The following ITFG1 variants were observed in gnomAD, a reference collection of about 807,000 sequenced individuals.
ITFG1 encodes integrin alpha FG-GAP repeat containing 1.
In ITFG1, 34 loss-of-function variants were observed where a neutral mutation model predicts 81.8. The observed-to-expected ratio is 0.42, with a 90% confidence interval of 0.32 to 0.55. The LOEUF is 0.55. ITFG1 is among the 20% of genes least tolerant of loss of function. The pLI is 0.17. For missense variants in ITFG1, 672 were observed against 755.4 expected (o/e 0.89, Z 1.29); for synonymous variants, 285 against 270.6 (o/e 1.05, Z -0.52).
intron 6 of ITFG1, among the ~76,000 whole-genome samples, chr16:47,413,795 A>C (rs1384617075): frequency 6.6e-6 from 1 of 152,200 alleles, no homozygotes; most frequent in Non-Finnish European, 1.5e-5. Flanking sequence ...CGTAAGGTGC[A>C]GGGACTGTCT....
At chr16:47,421,300 A>G (rs978457797) in intron 6 of ITFG1, among the ~76,000 whole-genome samples, 4 of 147,442 alleles carry the variant, frequency 2.7e-5, no homozygotes, top group Admixed American at 2.7e-4. Context: ...ACACACACAC[A>G]CACACATACA....
intron 2 of ITFG1, among the ~76,000 whole-genome samples, chr16:47,458,548 T>G (rs1969481721): frequency 6.6e-6 from 1 of 152,036 alleles, no homozygotes; most frequent in African/African-American, 2.4e-5. Context: ...ATCATGGAGG[T>G]AGAGGTGTGG....
rs55978309 is a variant in ITFG1, at chr16:47,403,761, T to TACACACACAC, written c.655+25033_655+25042dup. 5.2e-3 allele frequency among the ~76,000 whole-genome samples: 690 copies of TACACACACAC among 133,220 alleles called. 6 individuals are homozygous for TACACACACAC. The highest frequency in any genetic ancestry group is 7.0e-3 in the Non-Finnish European group (438 of 62,500). The allele number at this position is 133,220 out of a possible 152,430, so 87.4% of individuals were successfully genotyped here. ...AAAAGTTGATTTTGATCTCTCTTGG[T>TACACACACAC]ACACACACACACACACACACACACA... On this transcript the variant is annotated intron_variant, in intron 6 of 17. Coordinates refer to ENST00000320640, the MANE Select transcript of ITFG1 (RefSeq NM_030790.5).
intron 13 of ITFG1, among the ~76,000 whole-genome samples, chr16:47,236,050 T>A (rs1965870173): frequency 6.6e-6 from 1 of 152,338 alleles, no homozygotes; most frequent in East Asian, 1.9e-4. Context: ...GCGGTAATGG[T>A]AATCATTATA....
intron 6 of ITFG1, among the ~76,000 whole-genome samples, chr16:47,409,294 T>C (rs1207556091): frequency 2.3e-5 from 3 of 130,948 alleles, no homozygotes; most frequent in Non-Finnish European, 4.7e-5. Context: ...TATCTAAAGA[T>C]ATAACCGAAA....
At chr16:47,233,946 A>G (rs1965844151) in intron 13 of ITFG1, among the ~76,000 whole-genome samples, 1 of 152,204 alleles carries the variant, frequency 6.6e-6, no homozygotes, top group Non-Finnish European at 1.5e-5. Context: ...AAACAAGGAC[A>G]CTAGAGGAAA....
At chr16:47,351,475 A>T (rs1967953860) in intron 8 of ITFG1, among the ~76,000 whole-genome samples, 1 of 152,194 alleles carries the variant, frequency 6.6e-6, no homozygotes, top group African/African-American at 2.4e-5. Context: ...CTTCAAAGAG[A>T]ATAAAATACC....
At chr16:47,456,840 T>C (rs1969460335) in intron 2 of ITFG1, among the ~76,000 whole-genome samples, 1 of 151,940 alleles carries the variant, frequency 6.6e-6, no homozygotes, top group South Asian at 2.1e-4. Context: ...ATTCCCCACA[T>C]AGTAAGTCTA....
Position 47,396,663 on chromosome 16 carries a change from T to C in ITFG1, c.656-20723A>G, listed in dbSNP as rs189048921. Among the ~76,000 whole-genome samples, 101 of 152,088 alleles carry C rather than the reference T, an allele frequency of 6.6e-4. 1 individual carries two copies. The highest frequency in any genetic ancestry group is 2.1e-3 in the African/African-American group (89 of 41,488). On this transcript the variant is annotated intron_variant, in intron 6 of 17. Transcript: ENST00000320640. ...AGAGAGGGTTAGTAATAATTTACCA[T>C]GGATAGGAGGGAAATGGAGGCTGGA...
chr16:47,435,191 A>G (rs935722424), intron 5 of ITFG1, among the ~76,000 whole-genome samples: 3 of 152,220 alleles, frequency 2.0e-5, no homozygotes, highest in Non-Finnish European at 2.9e-5. Context: ...CTTAAAAGCT[A>G]AAGAAAAAAA....
At chr16:47,275,208 T>C (rs889810783) in intron 10 of ITFG1, among the ~76,000 whole-genome samples, 1 of 152,088 alleles carries the variant, frequency 6.6e-6, no homozygotes, top group Non-Finnish European at 1.5e-5. Flanking sequence ...TTAGCTGACA[T>C]TGAATGTCTA....
chr16:47,172,403 G>A (rs1023092753), intron 14 of ITFG1, among the ~76,000 whole-genome samples: 2 of 152,138 alleles, frequency 1.3e-5, no homozygotes, highest in African/African-American at 2.4e-5. Flanking sequence ...CAGGAAAATC[G>A]CTTGAACCTG....
intron 10 of ITFG1, among the ~76,000 whole-genome samples, chr16:47,274,437 G>C (rs1966376874): frequency 6.6e-6 from 1 of 152,112 alleles, no homozygotes; most frequent in Non-Finnish European, 1.5e-5. Flanking sequence ...TAAATCCTTT[G>C]CTAAGCAGAG....
At chr16:47,282,029 T>C (rs936572923) in intron 10 of ITFG1, among the ~76,000 whole-genome samples, 2 of 151,948 alleles carry the variant, frequency 1.3e-5, no homozygotes, top group Non-Finnish European at 2.9e-5. Context: ...ATATATACTA[T>C]TTGTATACAT....
At chr16:47,182,339 T>C (rs978572570) in intron 14 of ITFG1, among the ~76,000 whole-genome samples, 2 of 151,130 alleles carry the variant, frequency 1.3e-5, no homozygotes, top group Non-Finnish European at 2.9e-5. Flanking sequence ...TAGTAGACGA[T>C]GGGAATCAAA....
chr16:47,169,224 G>GT (rs1391141384), intron 14 of ITFG1, among the ~76,000 whole-genome samples: 1 of 152,032 alleles, frequency 6.6e-6, no homozygotes, highest in Non-Finnish European at 1.5e-5. Context: ...TTACAGTTCC[G>GT]TATCAATTTG....
chr16:47,404,901 CAT>C (rs1241016175), intron 6 of ITFG1, among the ~76,000 whole-genome samples: 2 of 152,102 alleles, frequency 1.3e-5, no homozygotes, highest in African/African-American at 4.8e-5. Flanking sequence ...ATGTTAAACA[CAT>C]ATGTTTATTG....
chr16:47,439,480 T>G (rs906131170), intron 5 of ITFG1, among the ~76,000 whole-genome samples: 3 of 152,168 alleles, frequency 2.0e-5, no homozygotes, highest in Non-Finnish European at 4.4e-5. Flanking sequence ...GACTAACAGC[T>G]GATCTCTCGG....
In ITFG1 at chr16:47,375,908, T is replaced by C. The variant is rs752225554; in HGVS notation, c.688A>G (p.Ser230Gly). The C allele has an allele frequency of 1.2e-5, 19 of 1,607,434 alleles. No individual in the cohort carries two copies. The highest frequency in any genetic ancestry group is 3.3e-5 in the Admixed American group (2 of 59,922). The part of the protein sequence containing the change: ...LFLTTLNATT[S>G]TFQFEIWENL... ...TCCCATATTTCAAACTGGAAGGTAC[T>C]AGTGGTGGCATTCAATGTCGTCAGG... Residue 230 changes from serine (S) to glycine (G), a missense_variant, in exon 7 of 18, where the codon AGT becomes GGT. Ser to Gly is a moderately conservative substitution (Grantham distance 56). Around this residue, in one of 3 missense-constraint regions of ITFG1, gnomAD observed 560 missense variants for 625.7 expected, o/e 0.90. Coordinates refer to ENST00000320640, the MANE Select transcript of ITFG1 (RefSeq NM_030790.5).
Sources: gnomAD v4.1 joint callset for allele counts (sites outside exome capture counted in the v4.1 genomes callset) on GRCh38, gnomAD v4.1.1 for gene constraint, gnomAD v4.1.1 regional missense constraint, MANE v1.5 for transcripts, NCBI Gene and HGNC (gene_info 2026-07-23, HGNC 2026-07-21) for gene names.